The following SPATA6 variants were observed in gnomAD, a reference collection of about 807,000 sequenced individuals.
The protein encoded by SPATA6 is spermatogenesis-associated protein 6.
Under a neutral mutation model 65.3 loss-of-function variants are expected in SPATA6, and 56 were observed. The ratio of observed to expected loss-of-function variants is 0.86; its 90% confidence interval spans 0.69 to 1.07. SPATA6 has a LOEUF of 1.07. Ranked by LOEUF, SPATA6 falls within the 50% of genes least tolerant of loss-of-function variation. The probability of loss-of-function intolerance (pLI) is 0.00; values close to 1 mark genes in which losing one functional copy is unlikely to be tolerated. For synonymous variants in SPATA6, 199 were observed against 213.2 expected (o/e 0.93, Z 0.58); for missense variants, 590 against 594.8 (o/e 0.99, Z 0.08).
Position 48,472,010 on chromosome 1 carries a change from C to T in SPATA6, c.-2G>A. On this transcript the variant is annotated 5_prime_UTR_variant, in exon 1 of 13. Coordinates refer to ENST00000371847, the MANE Select transcript of SPATA6 (RefSeq NM_019073.4). ...CTGCAGCGCCTTCACCTTCGGCATC[C>T]GTGCGGGGAGGGGCGGCGGGGAGTG... The T allele has an allele frequency of 6.7e-7, 1 of 1,485,592 alleles. No homozygotes were observed. Among genetic ancestry groups the T allele is most frequent in the Non-Finnish European group, 9.0e-7 (1 of 1,110,670 alleles). The allele number at this position is 1,485,592 out of a possible 1,614,324, so 92.0% of individuals were successfully genotyped here. A position where few individuals can be genotyped will look rare whatever the true frequency, so the allele number is the denominator to read the frequency against.
At chr1:48,340,763 T>C (rs1425480092) in intron 11 of SPATA6, among the ~76,000 whole-genome samples, 1 of 151,996 alleles carries the variant, frequency 6.6e-6, no homozygotes, top group Non-Finnish European at 1.5e-5. Flanking sequence ...CCTTCTTATA[T>C]AAGAAACATA....
At chr1:48,461,614 C>G (rs1657437227) in intron 1 of SPATA6, among the ~76,000 whole-genome samples, 1 of 152,164 alleles carries the variant, frequency 6.6e-6, no homozygotes, top group Admixed American at 6.5e-5. Flanking sequence ...CTCTGGCCAT[C>G]AGAGAAATGC....
intron 11 of SPATA6, among the ~76,000 whole-genome samples, chr1:48,317,347 A>C (rs1319796539): frequency 3.9e-5 from 6 of 152,242 alleles, no homozygotes; most frequent in African/African-American, 4.8e-5. Context: ...CTATGCAGCC[A>C]TAAAAAATGA....
At chr1:48,441,809 T>C (rs2265772) in intron 3 of SPATA6, among the ~76,000 whole-genome samples, 148,857 of 152,282 alleles carry the variant, frequency 0.98, 72,846 homozygotes, top group East Asian at 1. Context: ...CAGAGGCTAT[T>C]AAAATAATAC....
At chr1:48,452,895 A>G in intron 2 of SPATA6, 99 bp downstream of exon 2, 11 of 1,371,084 alleles carry the variant, frequency 8.0e-6, no homozygotes, top group Non-Finnish European at 1.1e-5. Context: ...ACCAAAGCAC[A>G]CAGTCAGCAG....
intron 1 of SPATA6, among the ~76,000 whole-genome samples, chr1:48,468,006 AT>A (rs1297068541): frequency 6.6e-6 from 1 of 152,194 alleles, no homozygotes; most frequent in African/African-American, 2.4e-5. Flanking sequence ...AAAAAGAAAA[AT>A]TTCCTCAAAT....
At chr1:48,305,700 G>A in intron 12 of SPATA6, 87 bp downstream of exon 12, 1 of 956,084 alleles carries the variant, frequency 1.0e-6, no homozygotes, top group Non-Finnish European at 1.5e-6. Context: ...ATCCTTTTGA[G>A]TCTAAATTTC....
chr1:48,440,655 G>C (rs1438855406), intron 3 of SPATA6, among the ~76,000 whole-genome samples: 1 of 152,120 alleles, frequency 6.6e-6, no homozygotes, highest in Non-Finnish European at 1.5e-5. Flanking sequence ...CATAACTCAG[G>C]GAAAGGAAGA....
chr1:48,379,145 T>C (rs1648261267), intron 9 of SPATA6, among the ~76,000 whole-genome samples: 1 of 152,116 alleles, frequency 6.6e-6, no homozygotes, highest in Non-Finnish European at 1.5e-5. Context: ...TCAGGAAACT[T>C]ACAATCATGG....
At chr1:48,464,273 A>G (rs1657653460) in intron 1 of SPATA6, among the ~76,000 whole-genome samples, 1 of 152,156 alleles carries the variant, frequency 6.6e-6, no homozygotes, top group Admixed American at 6.6e-5. Context: ...ATTAAACACT[A>G]TACTAGAAAT....
At chr1:48,429,801 G>C (rs1396516167) in intron 3 of SPATA6, among the ~76,000 whole-genome samples, 4 of 151,972 alleles carry the variant, frequency 2.6e-5, no homozygotes, top group African/African-American at 9.7e-5. Context: ...ATATTTAAAA[G>C]GAACCAAAAG....
chr1:48,381,687 C>G, intron 9 of SPATA6, among the ~76,000 whole-genome samples: 1 of 121,726 alleles, frequency 8.2e-6, no homozygotes, highest in African/African-American at 3.3e-5. Context: ...AATTTTTTTT[C>G]TTTTTTTTTT....
intron 11 of SPATA6, among the ~76,000 whole-genome samples, chr1:48,314,831 T>G (rs1645354843): frequency 6.6e-6 from 1 of 151,682 alleles, no homozygotes; most frequent in African/African-American, 2.4e-5. Flanking sequence ...AAGAATCAAA[T>G]AAACGCAATA....
chr1:48,442,663 G>T (rs112524854), intron 3 of SPATA6, among the ~76,000 whole-genome samples: 1,877 of 130,032 alleles, frequency 0.014, 38 homozygotes, highest in African/African-American at 0.05. Flanking sequence ...CAAAGAGGGA[G>T]TCAGAAAGAG....
At chr1:48,335,966 C>A (rs1352753052) in intron 11 of SPATA6, among the ~76,000 whole-genome samples, 2 of 151,914 alleles carry the variant, frequency 1.3e-5, no homozygotes, top group Admixed American at 6.6e-5. Flanking sequence ...AAAAAGTGGG[C>A]AAAGGACATG....
Position 48,434,328 on chromosome 1 carries a change from A to T in SPATA6, c.238+17224T>A, listed in dbSNP as rs1654688829. On this transcript the variant is annotated intron_variant, in intron 3 of 12. Coordinates refer to ENST00000371847, the MANE Select transcript of SPATA6 (RefSeq NM_019073.4). ...AACTGTTATTCTAGTGAGATAAAAA[A>T]TTTAAAAATAAATAATATGTCAGTG... Among the ~76,000 whole-genome samples, 3 of 152,008 alleles carry T rather than the reference A, an allele frequency of 2.0e-5. No individual in the cohort carries two copies. The South Asian group carries it at 6.2e-4, about 31-fold the overall frequency.
chr1:48,367,939 GTTCCT>G (rs1192862515), intron 9 of SPATA6, among the ~76,000 whole-genome samples: 2 of 152,166 alleles, frequency 1.3e-5, no homozygotes, highest in African/African-American at 4.8e-5. Flanking sequence ...GATACCAGTT[GTTCCT>G]TTCCATGTTT....
chr1:48,313,907 C>G (rs1485381289), intron 11 of SPATA6, among the ~76,000 whole-genome samples: 3 of 152,096 alleles, frequency 2.0e-5, no homozygotes, highest in African/African-American at 7.2e-5. Context: ...TCTGATAAAA[C>G]AAACTTTAAA....
the SPATA6 span, among the ~76,000 whole-genome samples, chr1:48,288,918 G>A: frequency 6.6e-6 from 1 of 152,226 alleles, no homozygotes; most frequent in African/African-American, 2.4e-5. Flanking sequence ...CACCTCTGGG[G>A]GCAGGGCATA....
Sources: allele counts gnomAD v4.1 joint callset (sites outside exome capture counted in the v4.1 genomes callset), GRCh38; gene constraint gnomAD v4.1.1; transcripts MANE v1.5; gene names NCBI Gene and HGNC (gene_info 2026-07-23, HGNC 2026-07-21).